The following KCNH8 variants were observed in gnomAD, a reference collection of about 807,000 sequenced individuals.
KCNH8 encodes voltage-gated delayed rectifier potassium channel KCNH8.
In KCNH8, 70 loss-of-function variants were observed where a neutral mutation model predicts 103.6. That is an observed-to-expected ratio of 0.68 (90% CI 0.56 to 0.82). The LOEUF (loss-of-function observed/expected upper bound fraction) is 0.82. KCNH8 is among the 40% of genes least tolerant of loss of function. KCNH8 has a pLI of 0.00. For missense variants in KCNH8, 1,217 were observed against 1,329.9 expected, an observed-to-expected ratio of 0.92 and a Z score of 1.32; for synonymous variants, 498 against 489.4, an observed-to-expected ratio of 1.02 and a Z score of -0.23.
chr3:19,417,960 C>T (rs1214137574), intron 7 of KCNH8, among the ~76,000 whole-genome samples: 1 of 151,916 alleles, frequency 6.6e-6, no homozygotes, highest in Non-Finnish European at 1.5e-5. Context: ...TCAAGGTGGA[C>T]ACAAAAATAT....
At chr3:19,213,243 T>C (rs1464200479) in intron 1 of KCNH8, among the ~76,000 whole-genome samples, 1 of 152,196 alleles carries the variant, frequency 6.6e-6, no homozygotes, top group Non-Finnish European at 1.5e-5. Context: ...TAAGACAACA[T>C]TGCAATCCTA....
chr3:19,500,923 G>C (rs997640448), intron 11 of KCNH8, among the ~76,000 whole-genome samples: 1 of 152,056 alleles, frequency 6.6e-6, no homozygotes, highest in African/African-American at 2.4e-5. Flanking sequence ...AAATAACTAA[G>C]ATCAGAGCAG....
chr3:19,422,186 C>G (rs17005936), intron 7 of KCNH8, among the ~76,000 whole-genome samples: 11,878 of 152,022 alleles, frequency 0.078, 952 homozygotes, highest in East Asian at 0.24. Context: ...TGATGTCTTG[C>G]AAATAGTCAT....
chr3:19,395,781 G>A (rs1231099545), intron 7 of KCNH8, among the ~76,000 whole-genome samples: 2 of 151,986 alleles, frequency 1.3e-5, no homozygotes, highest in African/African-American at 2.4e-5. Flanking sequence ...GTGTGAGAGC[G>A]AAAGTAAACA....
In KCNH8 at chr3:19,446,624, T is replaced by C. The variant is rs117707062; in HGVS notation, c.1376-3482T>C. On this transcript the variant is annotated intron_variant, in intron 8 of 15. Coordinates refer to ENST00000328405, the MANE Select transcript of KCNH8 (RefSeq NM_144633.3). ...AGGTGGGAAAGAGAAGGAGGGCAGC[T>C]AAGATTACCCAAAACCTGAGCTCTG... Among the ~76,000 whole-genome samples, 113 of 152,048 alleles carry C rather than the reference T, an allele frequency of 7.4e-4. No individual in the cohort carries two copies. The East Asian group carries it at 0.021, about 28-fold the overall frequency.
chr3:19,516,561 A>G (rs998881134), intron 14 of KCNH8, among the ~76,000 whole-genome samples: 6 of 152,078 alleles, frequency 3.9e-5, no homozygotes, highest in African/African-American at 1.4e-4. Context: ...TGACACCTCA[A>G]TTGGATGTTT....
chr3:19,335,497 A>G (rs1218648045), intron 3 of KCNH8, among the ~76,000 whole-genome samples: 1 of 148,816 alleles, frequency 6.7e-6, no homozygotes, highest in African/African-American at 2.4e-5. Flanking sequence ...ATATATATAT[A>G]TATATATATA....
At chr3:19,484,156 G>A (rs1189261727) in intron 11 of KCNH8, among the ~76,000 whole-genome samples, 1 of 152,046 alleles carries the variant, frequency 6.6e-6, no homozygotes, top group Non-Finnish European at 1.5e-5. Context: ...GTCCTCACCA[G>A]TCTTTAGTTC....
At chr3:19,447,243 G>A (rs572585979) in intron 8 of KCNH8, among the ~76,000 whole-genome samples, 4 of 151,928 alleles carry the variant, frequency 2.6e-5, no homozygotes, top group Non-Finnish European at 5.9e-5. Context: ...AAAATGAAAG[G>A]CTATGAGGAC....
intron 14 of KCNH8, among the ~76,000 whole-genome samples, chr3:19,517,400 C>T (rs1430593212): frequency 6.6e-6 from 1 of 152,030 alleles, no homozygotes; most frequent in African/African-American, 2.4e-5. Context: ...TCCACTCAAG[C>T]TGGCACTGAC....
rs60973475 is a variant in KCNH8, at chr3:19,263,854, C to T, written c.310+9967C>T. Among the ~76,000 whole-genome samples the T allele has an allele frequency of 4.4e-3, 670 of 152,010 alleles. 3 individuals are homozygous for T. The highest frequency in any genetic ancestry group is 8.5e-3 in the African/African-American group (353 of 41,496). ...CACATTTGGGGACGAGTGTGTGTGT[C>T]GCAACAGGCAAGAGAGCATTTGGTT... On this transcript the variant is annotated intron_variant, in intron 2 of 15. Coordinates refer to ENST00000328405, the MANE Select transcript of KCNH8 (RefSeq NM_144633.3).
chr3:19,186,668 G>A (rs1299261396), intron 1 of KCNH8, among the ~76,000 whole-genome samples: 1 of 152,034 alleles, frequency 6.6e-6, no homozygotes, highest in Non-Finnish European at 1.5e-5. Context: ...TAAAGATTTT[G>A]TTTAATTCAT....
intron 2 of KCNH8, among the ~76,000 whole-genome samples, chr3:19,275,605 C>T (rs148199193): frequency 2.0e-5 from 3 of 152,230 alleles, no homozygotes; most frequent in African/African-American, 7.2e-5. Flanking sequence ...AAGCTTTTAC[C>T]TCATGTTTTC....
intron 3 of KCNH8, among the ~76,000 whole-genome samples, chr3:19,328,040 T>G (rs1209529092): frequency 6.6e-6 from 1 of 152,220 alleles, no homozygotes; most frequent in African/African-American, 2.4e-5. Flanking sequence ...TCTCATTTTT[T>G]TTCTGTCCCA....
chr3:19,343,356 GT>G (rs2065686888), intron 4 of KCNH8, among the ~76,000 whole-genome samples: 2 of 152,076 alleles, frequency 1.3e-5, no homozygotes, highest in African/African-American at 2.4e-5. Context: ...TGTATAAGGA[GT>G]TTATTTCCTA....
At chr3:19,478,330 A>G (rs1479950106) in intron 11 of KCNH8, among the ~76,000 whole-genome samples, 2 of 152,060 alleles carry the variant, frequency 1.3e-5, no homozygotes, top group Non-Finnish European at 1.5e-5. Context: ...GAATGGTGGT[A>G]CTATTTTTAG....
chr3:19,228,782 C>G (rs1221531048), intron 1 of KCNH8, among the ~76,000 whole-genome samples: 1 of 152,164 alleles, frequency 6.6e-6, no homozygotes, highest in Non-Finnish European at 1.5e-5. Flanking sequence ...ATGAATAAAG[C>G]TACATGCTTA....
chr3:19,475,089 C>CA (rs2067943986), intron 11 of KCNH8, among the ~76,000 whole-genome samples: 1 of 148,520 alleles, frequency 6.7e-6, no homozygotes, highest in South Asian at 2.1e-4. Flanking sequence ...TAAACAAGCA[C>CA]AGTTTGATCC....
intron 3 of KCNH8, among the ~76,000 whole-genome samples, chr3:19,285,589 G>T (rs2064819713): frequency 6.6e-6 from 1 of 152,042 alleles, no homozygotes; most frequent in Admixed American, 6.6e-5. Flanking sequence ...TCTGCTTCAT[G>T]CTAAGTGCTT....
Sources: allele counts gnomAD v4.1 joint callset (sites outside exome capture counted in the v4.1 genomes callset), GRCh38; gene constraint gnomAD v4.1.1; transcripts MANE v1.5; gene names NCBI Gene and HGNC (gene_info 2026-07-23, HGNC 2026-07-21).